TULP1: variants seen among roughly 807,000 people sequenced by gnomAD.
The protein encoded by TULP1 is tubby-related protein 1.
In TULP1, 50 loss-of-function variants were observed where a neutral mutation model predicts 67.1. The observed-to-expected ratio is 0.75, with a 90% confidence interval of 0.59 to 0.94. TULP1 has a LOEUF of 0.94. Ranked by LOEUF, TULP1 falls within the 40% of genes least tolerant of loss-of-function variation. The pLI is 0.00. For missense variants in TULP1, 746 were observed against 734.1 expected (o/e 1.02, Z -0.19); for synonymous variants, 297 against 294.0 (o/e 1.01, Z -0.11).
chr6:35,511,062 TG>T, intron 4 of TULP1, 52 bp from the exon 5 acceptor site: 1 of 1,597,840 alleles, frequency 6.3e-7, no homozygotes, highest in Non-Finnish European at 8.5e-7. Flanking sequence ...CCTCCTTATC[TG>T]GGGAGCCCAG....
chr6:35,505,952 C>G, intron 10 of TULP1, 51 bp downstream of exon 10: 1 of 1,614,140 alleles, frequency 6.2e-7, no homozygotes, highest in Non-Finnish European at 8.5e-7. Context: ...TCCCGTGGCC[C>G]CCATGCCGGA....
rs114916524 is a variant in TULP1, at chr6:35,500,605, C to T, written c.1324-453G>A. 2.8e-3 allele frequency among the ~76,000 whole-genome samples: 422 copies of T among 152,228 alleles called. 1 individual carries two copies. Among genetic ancestry groups the T allele is most frequent in the South Asian group, 5.4e-3 (26 of 4,822 alleles). On this transcript the variant is annotated intron_variant, in intron 13 of 14. Transcript: ENST00000229771. ...AAGGAGCAGGGTCTGTATAATGTGC[C>T]CTTAAGATCTTTCTTTCTTGAGTTT...
chr6:35,501,638 C>T (rs182263151), intron 13 of TULP1, among the ~76,000 whole-genome samples: 146 of 151,474 alleles, frequency 9.6e-4, no homozygotes, highest in African/African-American at 3.0e-3. Flanking sequence ...ATGGCAAAAC[C>T]GCGTCTCTAC....
In TULP1 at chr6:35,503,681, G is replaced by C. The variant is rs374816898; in HGVS notation, c.1225-24C>G. On this transcript the variant is annotated intron_variant, in intron 12 of 14. Transcript: ENST00000229771. The surrounding 1 kb of genome is among the most constrained non-coding windows in gnomAD (Gnocchi z 4.0). ...TCCTGGGAAGGAAACAGATGCCTGT[G>C]AGGCCAGCCCCTGTAAGGGGAGCAG... The C allele has an allele frequency of 5.4e-4, 863 of 1,598,662 alleles. 1 individual carries two copies. The highest frequency in any genetic ancestry group is 6.6e-4 in the Non-Finnish European group (772 of 1,173,022).
At position 35,498,316 on chromosome 6, in the gene TULP1, G is replaced by A. The variant is rs1287247487; in HGVS notation, c.*11C>T. The A allele has an allele frequency of 1.2e-6, 2 of 1,611,788 alleles. No individual in the cohort carries two copies. Among genetic ancestry groups the A allele is most frequent in the Admixed American group, 1.7e-5 (1 of 59,878 alleles). On this transcript the variant is annotated 3_prime_UTR_variant, in exon 15 of 15. Coordinates refer to ENST00000229771, the MANE Select transcript of TULP1 (RefSeq NM_003322.6). The surrounding 1 kb of genome is among the most constrained non-coding windows in gnomAD (Gnocchi z 6.7). Reference sequence around the variant, plus strand: ...CTGACGGGCTCTGGGGGCGCTGAGGGGCTGCTGGGGTCACTCGCAGGCCAG... The same window carrying A: ...CTGACGGGCTCTGGGGGCGCTGAGGAGCTGCTGGGGTCACTCGCAGGCCAG...
intron 7 of TULP1, 82 bp downstream of exon 7, chr6:35,509,552 T>C: frequency 7.1e-7 from 1 of 1,400,332 alleles, no homozygotes; most frequent in Non-Finnish European, 1.0e-6. Context: ...TAGCACTGTC[T>C]TGTATGCTGT....
Position 35,497,915 on chromosome 6 carries a change from C to T in TULP1, c.*412G>A, listed in dbSNP as rs1346463745. The T allele has an allele frequency of 7.6e-6, 2 of 262,618 alleles. No homozygotes were observed. The highest frequency in any genetic ancestry group is 1.5e-5 in the Non-Finnish European group (2 of 133,360). The allele number at this position is 262,618 out of a possible 1,614,324, so 16.3% of individuals were successfully genotyped here. A position where few individuals can be genotyped will look rare whatever the true frequency, so the allele number is the denominator to read the frequency against. ...CTTTATTGGGGATGTGGGTGCCTGG[C>T]CCTCGTCCCCCATCACCTACCCCCT... is the stretch of plus-strand genomic sequence containing the variant. On this transcript the variant is annotated 3_prime_UTR_variant, in exon 15 of 15. Coordinates refer to ENST00000229771, the MANE Select transcript of TULP1 (RefSeq NM_003322.6).
chr6:35,498,567 C>T lies in TULP1; in HGVS notation c.1496-107G>A. ...GCAGTCTGTCCCTTGCCTTGGGGCT[C>T]CAACCCTCAGCCACCATCTCAGTTA... On this transcript the variant is annotated intron_variant, in intron 14 of 14. Coordinates refer to ENST00000229771, the MANE Select transcript of TULP1 (RefSeq NM_003322.6). The surrounding 1 kb of genome is among the most constrained non-coding windows in gnomAD (Gnocchi z 6.7). 1.3e-6 allele frequency: 2 copies of T among 1,529,318 alleles called. No homozygotes were observed. Among genetic ancestry groups the T allele is most frequent in the Non-Finnish European group, 1.8e-6 (2 of 1,127,716 alleles). The allele number at this position is 1,529,318 out of a possible 1,614,324, so 94.7% of individuals were successfully genotyped here.
chr6:35,500,988 G>T (rs1423838432), intron 13 of TULP1, among the ~76,000 whole-genome samples: 3 of 146,940 alleles, frequency 2.0e-5, no homozygotes, highest in Non-Finnish European at 3.0e-5. Flanking sequence ...CAGCAGGGAA[G>T]GATGTGTGAT....
Position 35,509,189 on chromosome 6 carries a change from C to T in TULP1, c.822+20G>A. On this transcript the variant is annotated intron_variant, in intron 8 of 14. Transcript: ENST00000229771. ...TGCTCCCTGAAGGGACCTCAGCCCCCTGCCCCTCTGGGCCCCAACCTTTTT... is the reference window on the plus strand; with the variant it reads ...TGCTCCCTGAAGGGACCTCAGCCCCTTGCCCCTCTGGGCCCCAACCTTTTT... 6.2e-7 allele frequency: 1 copy of T among 1,609,774 alleles called. No individual in the cohort carries two copies. The highest frequency in any genetic ancestry group is 8.5e-7 in the Non-Finnish European group (1 of 1,176,264).
chr6:35,512,526 A>C, intron 2 of TULP1, 113 bp downstream of exon 2: 1 of 1,389,694 alleles, frequency 7.2e-7, no homozygotes, highest in Non-Finnish European at 1.0e-6. Flanking sequence ...CCAGACATGC[A>C]ACCCCCAGAC....
chr6:35,511,547 T>C, intron 4 of TULP1, 101 bp downstream of exon 4: 1 of 1,525,916 alleles, frequency 6.6e-7, no homozygotes, highest in Non-Finnish European at 8.9e-7. Flanking sequence ...GCTATTTGAC[T>C]ACAGTTGTTT....
chr6:35,504,213 C>A (rs1761033615), intron 11 of TULP1: 3 of 280,512 alleles, frequency 1.1e-5, no homozygotes, highest in Non-Finnish European at 2.1e-5. Flanking sequence ...GTGGCATGTG[C>A]CTGTAGTCCC....
chr6:35,511,797 G>GCGGCCTCCCCC lies in TULP1; in HGVS notation c.199_200insGGGGGAGGCCG (p.Thr67ArgfsTer46), dbSNP rs1761210506. 1.9e-6 allele frequency: 3 copies of GCGGCCTCCCCC among 1,557,382 alleles called. No individual in the cohort carries two copies. The highest frequency in any genetic ancestry group is 3.8e-5 in the Admixed American group (2 of 52,990). ...GGAAGGCTCCTCCCGCGGCCTCCCCGTCCGCCCAGCTGAGCCGAGATGCGG... is the reference window on the plus strand; with the variant it reads ...GGAAGGCTCCTCCCGCGGCCTCCCCGCGGCCTCCCCCTCCGCCCAGCTGAGCCGAGATGCGG... On this transcript the variant is annotated frameshift_variant, in exon 4 of 15. Coordinates refer to ENST00000229771, the MANE Select transcript of TULP1 (RefSeq NM_003322.6). LOFTEE classifies it high-confidence loss of function.
rs1768759933 is a variant in TULP1 at position 35,498,592 on chromosome 6, A to T, written c.1496-132T>A. The T allele has an allele frequency of 7.4e-7, 1 of 1,348,994 alleles. No individual in the cohort carries two copies. The highest frequency in any genetic ancestry group is 2.0e-5 in the Admixed American group (1 of 49,702). 83.6% of individuals were successfully genotyped at this position (1,348,994 alleles called of 1,614,324 possible). A position where few individuals can be genotyped will look rare whatever the true frequency, so the allele number is the denominator to read the frequency against. The stretch of plus-strand genomic sequence containing the variant: ...CCAACCCTCAGCCACCATCTCAGTT[A>T]CTCAACACCCATCCCTTCTTCTATC... On this transcript the variant is annotated intron_variant, in intron 14 of 14. Coordinates refer to ENST00000229771, the MANE Select transcript of TULP1 (RefSeq NM_003322.6). The surrounding 1 kb of genome is among the most constrained non-coding windows in gnomAD (Gnocchi z 6.7).
chr6:35,506,156 C>A lies in TULP1; in HGVS notation c.846G>T (p.Pro282=). The A allele has an allele frequency of 6.2e-7, 1 of 1,613,516 alleles. No homozygotes were observed. The change falls in exon 10 of 15, where the codon CCG becomes CCT. Residue 282 remains proline, a synonymous_variant. Transcript: ENST00000229771. ...GKKKAKEERA[P]SPPVEVDEPR... is the part of the protein sequence containing the mutation. ...GTTCGTCCACCTCCACGGGGGGAGA[C>A]GGGGCCCTCTCCTCCTTCTGGGTGG...
intron 13 of TULP1, among the ~76,000 whole-genome samples, chr6:35,501,426 A>G (rs1452664443): frequency 7.1e-6 from 1 of 141,270 alleles, no homozygotes; most frequent in African/African-American, 2.6e-5. Context: ...TGAAGCCAGG[A>G]GGTCGAGGCT....
chr6:35,509,883 C>T lies in TULP1; in HGVS notation c.545G>A (p.Arg182Lys). The stretch of plus-strand genomic sequence containing the variant: ...CTCCCCTGCTGGAGCTTCCTTATTC[C>T]TAACACGCAGAGGTTTCGGTGGGGG... ...PDPPPKPLRV[R>K]NKEAPAGEGT... Residue 182 changes from arginine (R) to lysine (K), a missense_variant, in exon 6 of 15, where the codon AGG becomes AAG. Physicochemically the swap from Arg to Lys is conservative, Grantham distance 26. Coordinates refer to ENST00000229771, the MANE Select transcript of TULP1 (RefSeq NM_003322.6). The T allele has an allele frequency of 6.2e-7, 1 of 1,613,996 alleles. No individual in the cohort carries two copies. The highest frequency in any genetic ancestry group is 2.2e-5 in the East Asian group (1 of 44,864).
In TULP1 at chr6:35,497,990, A is replaced by C; in HGVS notation, c.*337T>G. ...GGAGCCCTAGCGCGGTCCCGGGGAG[A>C]GGGGAGGTTAAAACAACAATGACTA... On this transcript the variant is annotated 3_prime_UTR_variant, in exon 15 of 15. Coordinates refer to ENST00000229771, the MANE Select transcript of TULP1 (RefSeq NM_003322.6). 1.4e-5 allele frequency: 6 copies of C among 429,280 alleles called. No individual in the cohort carries two copies. Among genetic ancestry groups the C allele is most frequent in the Admixed American group, 3.7e-5 (1 of 27,322 alleles). The allele number at this position is 429,280 out of a possible 1,614,324, so 26.6% of individuals were successfully genotyped here. A position where few individuals can be genotyped will look rare whatever the true frequency, so the allele number is the denominator to read the frequency against.
Sources: allele counts gnomAD v4.1 joint callset (sites outside exome capture counted in the v4.1 genomes callset), GRCh38; gene constraint gnomAD v4.1.1; non-coding constraint Gnocchi (gnomAD v3.1); transcripts MANE v1.5; gene names NCBI Gene and HGNC (gene_info 2026-07-23, HGNC 2026-07-21).